GLI3: variants seen among roughly 807,000 people sequenced by gnomAD.
GLI3 encodes the protein transcription activator GLI3.
Under a neutral mutation model 100.8 loss-of-function variants are expected in GLI3, and 20 were observed. That is an observed-to-expected ratio of 0.20 (90% CI 0.14 to 0.29). GLI3 has a LOEUF of 0.29. Ranked by LOEUF, GLI3 falls within the 10% of genes least tolerant of loss-of-function variation. GLI3 has a pLI of 1.00. For missense variants in GLI3, 2,040 were observed against 2,128.5 expected (o/e 0.96, Z 0.82); for synonymous variants, 938 against 860.5 (o/e 1.09, Z -1.58).
intron 13 of GLI3, among the ~76,000 whole-genome samples, chr7:41,971,750 C>T (rs1787369585): frequency 6.6e-6 from 1 of 152,132 alleles, no homozygotes. Context: ...ATGCTGTTCC[C>T]CTCCCACCCC....
chr7:42,248,761 C>T lies in GLI3; in HGVS notation c.-43+15233G>A, dbSNP rs1223050178. ...TGAGATCATTTAATAATTCTCTTATCCTCTTTTATTTTTTTATTTATTATT... is the reference window on the plus strand; with the variant it reads ...TGAGATCATTTAATAATTCTCTTATTCTCTTTTATTTTTTTATTTATTATT... On this transcript the variant is annotated intron_variant, in intron 1 of 2. Coordinates refer to the GLI3 transcript ENST00000678978. Among the ~76,000 whole-genome samples the T allele has an allele frequency of 2.6e-5, 4 of 151,714 alleles. No homozygotes were observed. In the East Asian group the frequency reaches 7.7e-4, roughly 29 times the overall value.
rs1051014395 is a variant in GLI3, at chr7:41,961,174, T to C, written c.*3156A>G. The C allele has an allele frequency of 6.6e-6, 1 of 152,622 alleles. No individual in the cohort carries two copies. The highest frequency in any genetic ancestry group is 2.4e-5 in the African/African-American group (1 of 41,446). The allele number at this position is 152,622 out of a possible 1,614,324, so 9.5% of individuals were successfully genotyped here. A position where few individuals can be genotyped will look rare whatever the true frequency, so the allele number is the denominator to read the frequency against. The stretch of plus-strand genomic sequence containing the variant: ...TACAATACTTAAATGTATTTACATG[T>C]GTTTCTTTTAAAAAAAGGATTACAC... On this transcript the variant is annotated 3_prime_UTR_variant, in exon 15 of 15. Transcript: ENST00000395925.
chr7:42,200,896 A>C (rs1788025240), intron 2 of GLI3, among the ~76,000 whole-genome samples: 1 of 152,210 alleles, frequency 6.6e-6, no homozygotes, highest in East Asian at 1.9e-4. Context: ...AACCATTTCT[A>C]GGAGAACAGA....
At chr7:42,136,970 ATC>A (rs1414204996) in intron 3 of GLI3, among the ~76,000 whole-genome samples, 9 of 152,194 alleles carry the variant, frequency 5.9e-5, no homozygotes, top group Non-Finnish European at 1.3e-4. Flanking sequence ...TGGGTGAAGA[ATC>A]TGAGTTCTGG....
At chr7:42,131,358 A>C (rs1013400737) in intron 3 of GLI3, among the ~76,000 whole-genome samples, 3 of 151,634 alleles carry the variant, frequency 2.0e-5, no homozygotes, top group Non-Finnish European at 4.4e-5. Flanking sequence ...TAGGGAAAAA[A>C]CTAAATCAAC....
Position 42,158,769 on chromosome 7 carries a change from C to T in GLI3, c.125-10301G>A, listed in dbSNP as rs565627038. Among the ~76,000 whole-genome samples, 12 of 152,190 alleles carry T rather than the reference C, an allele frequency of 7.9e-5. No individual in the cohort carries two copies. The East Asian group carries it at 1.4e-3, about 17-fold the overall frequency. On this transcript the variant is annotated intron_variant, in intron 2 of 14. Coordinates refer to ENST00000395925, the MANE Select transcript of GLI3 (RefSeq NM_000168.6). The stretch of plus-strand genomic sequence containing the variant: ...GCCTCCCAAAGTGTGGAATTACAGG[C>T]GTGATGTGAGCCACCGCGCCCAGCT...
intron 7 of GLI3, among the ~76,000 whole-genome samples, chr7:42,030,687 T>C (rs1475079034): frequency 6.7e-6 from 1 of 148,658 alleles, no homozygotes; most frequent in Non-Finnish European, 1.5e-5. Context: ...TTATTACTAT[T>C]GTTGATTTGT....
chr7:42,223,508 G>C (rs1327901879), intron 1 of GLI3, among the ~76,000 whole-genome samples: 1 of 152,026 alleles, frequency 6.6e-6, no homozygotes, highest in Non-Finnish European at 1.5e-5. Context: ...AGAGAACCGA[G>C]GGAAATGCCC....
intron 3 of GLI3, among the ~76,000 whole-genome samples, chr7:42,143,085 C>T (rs921787501): frequency 2.6e-5 from 4 of 152,092 alleles, no homozygotes; most frequent in Non-Finnish European, 5.9e-5. Flanking sequence ...CTCAAGCTCA[C>T]AAATAATAGT....
At chr7:42,149,904 C>T (rs1287485624) in intron 2 of GLI3, 1 of 152,042 alleles carries the variant, frequency 6.6e-6, no homozygotes, top group Non-Finnish European at 1.5e-5. Flanking sequence ...AAATACAAAC[C>T]GAAAATAACA....
intron 2 of GLI3, among the ~76,000 whole-genome samples, chr7:42,181,446 C>A (rs569121122): frequency 7.0e-4 from 106 of 151,724 alleles, no homozygotes; most frequent in African/African-American, 2.3e-3. Context: ...ATAAAAAAAT[C>A]CAAAAAAAAA....
chr7:42,223,318 C>G (rs1427814397), intron 1 of GLI3, 23 bp from the exon 2 acceptor site: 1 of 1,288,818 alleles, frequency 7.8e-7, no homozygotes, highest in South Asian at 1.2e-5. Context: ...ACAGAGCCAT[C>G]AACTTTCCAA....
At chr7:41,968,708 AGAAAGAAG>A (rs1787258123) in intron 13 of GLI3, among the ~76,000 whole-genome samples, 1 of 116,566 alleles carries the variant, frequency 8.6e-6, no homozygotes, top group Non-Finnish European at 1.7e-5. Context: ...AAAGAAAGAA[AGAAAGAAG>A]AAAGAAAGAA....
At chr7:42,120,391 T>C (rs534746475) in intron 3 of GLI3, among the ~76,000 whole-genome samples, 4 of 152,284 alleles carry the variant, frequency 2.6e-5, no homozygotes, top group South Asian at 4.1e-4. Context: ...TGTGCCGAGG[T>C]TGAACAGGAG....
intron 1 of GLI3, among the ~76,000 whole-genome samples, chr7:42,252,676 G>A (rs1398504601): frequency 1.2e-4 from 18 of 152,052 alleles, no homozygotes; most frequent in Admixed American, 1.2e-3. Context: ...AAAAGTAAAA[G>A]TATTAAAGAA....
chr7:42,142,398 G>GA (rs1430633478), intron 3 of GLI3, among the ~76,000 whole-genome samples: 2 of 152,188 alleles, frequency 1.3e-5, no homozygotes, highest in Non-Finnish European at 2.9e-5. Flanking sequence ...ATTTTCTCTA[G>GA]AAAAATGCGG....
chr7:42,029,300 G>A (rs1789215368), intron 7 of GLI3, among the ~76,000 whole-genome samples: 3 of 152,216 alleles, frequency 2.0e-5, no homozygotes, highest in African/African-American at 7.2e-5. Flanking sequence ...AAAGTTCTCA[G>A]CTCTGACACA....
chr7:42,033,956 T>A (rs998583684), intron 7 of GLI3, among the ~76,000 whole-genome samples: 1 of 152,212 alleles, frequency 6.6e-6, no homozygotes, highest in Non-Finnish European at 1.5e-5. Flanking sequence ...GCATATGCTC[T>A]CTGAATAATG....
At chr7:42,058,690 T>C (rs1183361226) in intron 4 of GLI3, among the ~76,000 whole-genome samples, 1 of 152,236 alleles carries the variant, frequency 6.6e-6, no homozygotes, top group Admixed American at 6.5e-5. Flanking sequence ...AAGGAGCTTC[T>C]TGTGAAGAGA....
Sources: allele counts gnomAD v4.1 joint callset (sites outside exome capture counted in the v4.1 genomes callset), GRCh38; gene constraint gnomAD v4.1.1; transcripts MANE v1.5; gene names NCBI Gene and HGNC (gene_info 2026-07-23, HGNC 2026-07-21).